USP6NL: variants seen among roughly 807,000 people sequenced by gnomAD.
USP6NL encodes the protein USP6 N-terminal-like protein.
Under a neutral mutation model 61.9 loss-of-function variants are expected in USP6NL, and 26 were observed. The ratio of observed to expected loss-of-function variants is 0.42; its 90% CI spans 0.31 to 0.58. The LOEUF (loss-of-function observed/expected upper bound fraction) is 0.58. USP6NL is among the 20% of genes least tolerant of loss of function. The pLI, the probability that USP6NL is intolerant of heterozygous loss-of-function variation, is 0.16. For missense variants in USP6NL, 1,114 were observed against 1,034.3 expected, an observed-to-expected ratio of 1.08 and a Z score of -1.06; for synonymous variants, 432 against 390.1, an observed-to-expected ratio of 1.11 and a Z score of -1.27.
In USP6NL at chr10:11,462,801, T is replaced by C; in HGVS notation, c.2127A>G (p.Gly709=). 6.2e-7 allele frequency: 1 copy of C among 1,613,908 alleles called. No homozygotes were observed. Among genetic ancestry groups the C allele is most frequent in the Non-Finnish European group, 8.5e-7 (1 of 1,179,870 alleles). ...TTGGTGACCCTGAATTGCCCGAATA[T>C]CCCCCAGCACCAGTGTCAACAGGGA... ...EVLPVDTGAG[G]YSGNSGSPKN... Residue 709 remains glycine (G), a synonymous_variant, in exon 15 of 15, where the codon GGA becomes GGG. Transcript: ENST00000609104.
Position 11,463,554 on chromosome 10 carries a change from C to T in USP6NL, c.1374G>A (p.Gln458=), listed in dbSNP as rs774936845. The part of the protein sequence containing the change: ...DFQRKLPSGP[Q]DSSRQYNHAA... ...CGTGATTATATTGCCTGGAACTGTC[C>T]TGTGGACCCGATGGGAGTTTTCTTT... is the stretch of plus-strand genomic sequence containing the variant. Residue 458 remains glutamine, a synonymous_variant, in exon 15 of 15, where the codon CAG becomes CAA. Coordinates refer to ENST00000609104, the MANE Select transcript of USP6NL (RefSeq NM_014688.5). This position sits in a 1 kb window ranked among gnomAD's most constrained non-coding sequence, Gnocchi z 6.3. The T allele has an allele frequency of 8.7e-6, 14 of 1,614,010 alleles. No individual in the cohort carries two copies. The South Asian group carries it at 1.3e-4, about 15-fold the overall frequency.
At chr10:11,535,782 A>G (rs1215220318) in intron 2 of USP6NL, among the ~76,000 whole-genome samples, 1 of 152,224 alleles carries the variant, frequency 6.6e-6, no homozygotes, top group Non-Finnish European at 1.5e-5. Flanking sequence ...TCACTGAACC[A>G]TGGACTAAGA....
chr10:11,556,156 C>G (rs1305119980), intron 2 of USP6NL, among the ~76,000 whole-genome samples: 1 of 152,098 alleles, frequency 6.6e-6, no homozygotes, highest in African/African-American at 2.4e-5. Flanking sequence ...ACCCTAAAGG[C>G]AGACAGGGCA....
chr10:11,505,971 G>C (rs1365962991), intron 6 of USP6NL, among the ~76,000 whole-genome samples: 1 of 152,086 alleles, frequency 6.6e-6, no homozygotes, highest in East Asian at 1.9e-4. Context: ...ATCTAAAAAA[G>C]TTTTAAACCA....
intron 6 of USP6NL, among the ~76,000 whole-genome samples, chr10:11,503,705 AT>A (rs548923600): frequency 5.4e-4 from 82 of 152,324 alleles, no homozygotes; most frequent in Middle Eastern, 3.4e-3. Flanking sequence ...TATTTAGTTA[AT>A]CTGTTTTATT....
At chr10:11,557,547 A>T (rs1242150790) in intron 2 of USP6NL, among the ~76,000 whole-genome samples, 1 of 152,266 alleles carries the variant, frequency 6.6e-6, no homozygotes, top group Non-Finnish European at 1.5e-5. Context: ...TCTAGCGTTA[A>T]ATCAGAGTCA....
At chr10:11,583,670 T>C (rs999969366) in intron 2 of USP6NL, among the ~76,000 whole-genome samples, 1 of 152,180 alleles carries the variant, frequency 6.6e-6, no homozygotes. Flanking sequence ...AACAGAGCAT[T>C]CAACCAACCT....
chr10:11,601,714 TTAAAAG>T (rs1014824870), intron 1 of USP6NL, among the ~76,000 whole-genome samples: 1 of 152,248 alleles, frequency 6.6e-6, no homozygotes. Context: ...CATTTGTTCC[TTAAAAG>T]TAAAAGACAA....
chr10:11,534,885 T>C (rs1046601434), intron 2 of USP6NL, among the ~76,000 whole-genome samples: 9 of 152,230 alleles, frequency 5.9e-5, no homozygotes, highest in Non-Finnish European at 2.9e-5. Context: ...AACCCTGATC[T>C]GCACACACAC....
chr10:11,503,503 T>C (rs1174527304), intron 6 of USP6NL, among the ~76,000 whole-genome samples: 1 of 152,156 alleles, frequency 6.6e-6, no homozygotes, highest in African/African-American at 2.4e-5. Flanking sequence ...ATGGTCCCCA[T>C]ACTAGTACAG....
chr10:11,533,844 T>C (rs1226879584), intron 2 of USP6NL, among the ~76,000 whole-genome samples: 2 of 152,252 alleles, frequency 1.3e-5, no homozygotes, highest in East Asian at 3.9e-4. Flanking sequence ...AAAAAAGAAT[T>C]TGAGAGTATA....
At position 11,499,801 on chromosome 10, in the gene USP6NL, G is replaced by C. The variant is rs1327973290; in HGVS notation, c.384+1300C>G. Among the ~76,000 whole-genome samples, 1 of 152,234 alleles carries C rather than the reference G, an allele frequency of 6.6e-6. No individual in the cohort carries two copies. Among genetic ancestry groups the C allele is most frequent in the Non-Finnish European group, 1.5e-5 (1 of 68,042 alleles). On this transcript the variant is annotated intron_variant, in intron 7 of 14. Transcript: ENST00000609104. The surrounding 1 kb of genome is among the most constrained non-coding windows in gnomAD (Gnocchi z 4.5). ...ACTTCTGTCCTCAAGAACTGTGTGA[G>C]AGAGAGTTCTGTTGTTTTGAGCCGC... is the stretch of plus-strand genomic sequence containing the variant.
intron 2 of USP6NL, among the ~76,000 whole-genome samples, chr10:11,594,702 G>A (rs537148563): frequency 1.3e-5 from 2 of 152,070 alleles, no homozygotes; most frequent in East Asian, 1.9e-4. Context: ...CTCTTCTCAC[G>A]GCAACAGCTC....
intron 2 of USP6NL, among the ~76,000 whole-genome samples, chr10:11,570,654 G>A (rs186718100): frequency 1.6e-3 from 242 of 152,312 alleles, no homozygotes; most frequent in Middle Eastern, 3.4e-3. Context: ...AAATAAACAT[G>A]AGGCTTTTAA....
intron 2 of USP6NL, among the ~76,000 whole-genome samples, chr10:11,560,231 T>C (rs1449776049): frequency 6.6e-6 from 1 of 152,188 alleles, no homozygotes; most frequent in Non-Finnish European, 1.5e-5. Context: ...CTCCACTTAA[T>C]GTTCACAGCA....
rs1444139169 is a variant in USP6NL, at chr10:11,602,209, C to T, written c.-83-4492G>A. On this transcript the variant is annotated intron_variant, in intron 1 of 14. Coordinates refer to ENST00000609104, the MANE Select transcript of USP6NL (RefSeq NM_014688.5). The surrounding 1 kb of genome is among the most constrained non-coding windows in gnomAD (Gnocchi z 4.8). Reference sequence around the variant, plus strand: ...AATAAACAACGAGCAACGTATTTAACGCAACTTTCTCATCAAGTCAGAAAG... The same window carrying T: ...AATAAACAACGAGCAACGTATTTAATGCAACTTTCTCATCAAGTCAGAAAG... Among the ~76,000 whole-genome samples the T allele has an allele frequency of 1.3e-5, 2 of 152,076 alleles. No individual in the cohort carries two copies. The highest frequency in any genetic ancestry group is 2.4e-5 in the African/African-American group (1 of 41,402).
rs1263288541 is a variant in USP6NL, at chr10:11,598,568, A to G, written c.-83-851T>C. 4.6e-5 allele frequency among the ~76,000 whole-genome samples: 7 copies of G among 152,190 alleles called. No individual in the cohort carries two copies. The highest frequency in any genetic ancestry group is 4.6e-4 in the Admixed American group (7 of 15,282). ...GATGCACAAATGCCTACCTAAATCTATCATATAAAATTCCACAGATAAGAT... is the reference window on the plus strand; with the variant it reads ...GATGCACAAATGCCTACCTAAATCTGTCATATAAAATTCCACAGATAAGAT... On this transcript the variant is annotated intron_variant, in intron 1 of 14. Transcript: ENST00000609104. This position sits in a 1 kb window ranked among gnomAD's most constrained non-coding sequence, Gnocchi z 4.7.
rs1833893386 is a variant in USP6NL at position 11,495,706 on chromosome 10, G to T, written c.385-2478C>A. Among the ~76,000 whole-genome samples, 1 of 152,138 alleles carries T rather than the reference G, an allele frequency of 6.6e-6. No individual in the cohort carries two copies. Among genetic ancestry groups the T allele is most frequent in the Non-Finnish European group, 1.5e-5 (1 of 68,026 alleles). On this transcript the variant is annotated intron_variant, in intron 7 of 14. Coordinates refer to ENST00000609104, the MANE Select transcript of USP6NL (RefSeq NM_014688.5). This position sits in a 1 kb window ranked among gnomAD's most constrained non-coding sequence, Gnocchi z 4.6. ...GATGCAGTATCTATTTTTCTCTGAAGATATTAAAAATAGTTTTTTAGATTC... is the reference window on the plus strand; with the variant it reads ...GATGCAGTATCTATTTTTCTCTGAATATATTAAAAATAGTTTTTTAGATTC...
In USP6NL at chr10:11,481,251, C is replaced by T. The variant is rs1198889815; in HGVS notation, c.1078+519G>A. Among the ~76,000 whole-genome samples the T allele has an allele frequency of 6.6e-6, 1 of 152,186 alleles. No homozygotes were observed. Among genetic ancestry groups the T allele is most frequent in the Non-Finnish European group, 1.5e-5 (1 of 68,026 alleles). On this transcript the variant is annotated intron_variant, in intron 14 of 14. Transcript: ENST00000609104. This position sits in a 1 kb window ranked among gnomAD's most constrained non-coding sequence, Gnocchi z 4.4. The stretch of plus-strand genomic sequence containing the variant: ...AATATATTATCTATACTGTAGCATA[C>T]TACAAAGAGCCCTGGGCTAGTAGTC...
Sources: allele counts gnomAD v4.1 joint callset (sites outside exome capture counted in the v4.1 genomes callset), GRCh38; gene constraint gnomAD v4.1.1; non-coding constraint Gnocchi (gnomAD v3.1); transcripts MANE v1.5; gene names NCBI Gene and HGNC (gene_info 2026-07-23, HGNC 2026-07-21).